Variants in ZNF541 observed in about 807,000 individuals in gnomAD.
ZNF541 encodes zinc finger protein 541.
A neutral mutation model predicts 123.5 loss-of-function variants in ZNF541; 23 were observed. That is an observed-to-expected ratio of 0.19 (90% CI 0.13 to 0.26). The LOEUF (loss-of-function observed/expected upper bound fraction) is 0.26. ZNF541 is among the 10% of genes least tolerant of loss of function. The pLI, the probability that ZNF541 is intolerant of heterozygous loss-of-function variation, is 1.00. For missense variants in ZNF541, 1,612 were observed against 1,789.9 expected, an observed-to-expected ratio of 0.90 and a Z score of 1.79; for synonymous variants, 751 against 754.5, an observed-to-expected ratio of 1.00 and a Z score of 0.08.
chr19:47,570,222 C>T (rs373004392), intron 2 of ZNF541, among the ~76,000 whole-genome samples: 11 of 150,818 alleles, frequency 7.3e-5, no homozygotes, highest in African/African-American at 2.2e-4. Flanking sequence ...TGCAGCAAGC[C>T]GAGATCACTC....
At chr19:47,537,656 T>A in intron 9 of ZNF541, among the ~76,000 whole-genome samples, 1 of 129,736 alleles carries the variant, frequency 7.7e-6, no homozygotes, top group East Asian at 2.4e-4. Flanking sequence ...GGCAGCAAAA[T>A]CACAAGTCCA....
At chr19:47,563,747 A>T (rs547015381) in intron 2 of ZNF541, among the ~76,000 whole-genome samples, 19 of 152,086 alleles carry the variant, frequency 1.2e-4, no homozygotes, top group Non-Finnish European at 2.6e-4. Context: ...CTGGGATTAC[A>T]GGCACTCACC....
intron 2 of ZNF541, among the ~76,000 whole-genome samples, chr19:47,564,464 A>C (rs1971186451): frequency 6.6e-6 from 1 of 152,190 alleles, no homozygotes; most frequent in Admixed American, 6.6e-5. Flanking sequence ...AGCCCTTACG[A>C]GGCAGAGTTT....
chr19:47,565,613 A>G (rs908439981), intron 2 of ZNF541, among the ~76,000 whole-genome samples: 1 of 152,160 alleles, frequency 6.6e-6, no homozygotes, highest in Non-Finnish European at 1.5e-5. Flanking sequence ...GGCCTGCTAA[A>G]CCCAAAAGGG....
At chr19:47,543,643 CTT>C (rs769335868) in intron 5 of ZNF541, among the ~76,000 whole-genome samples, 39 of 140,660 alleles carry the variant, frequency 2.8e-4, no homozygotes, top group Admixed American at 5.0e-4. Flanking sequence ...TCATGTTGAT[CTT>C]TTTTTTTTTT....
At position 47,545,321 on chromosome 19, in the gene ZNF541, G is replaced by A; in HGVS notation, c.1208C>T (p.Pro403Leu). 1 of 1,548,806 alleles carries A rather than the reference G, an allele frequency of 6.5e-7. No homozygotes were observed. Among genetic ancestry groups the A allele is most frequent in the Non-Finnish European group, 8.7e-7 (1 of 1,146,436 alleles). ...GTGGCTCGATGGCTGGGAACTGGCA[G>A]GGACCGTCTGGCCTCGGAAGAGAGG... Reference protein sequence around the residue: ...CLPLFRGQTVPASSQPSSHSF... With the variant: ...CLPLFRGQTVLASSQPSSHSF... The change falls in exon 5 of 17, where the codon CCT becomes CTT. Residue 403 changes from proline to leucine, a missense_variant. Physicochemically the swap from Pro to Leu is moderately conservative, Grantham distance 98 (BLOSUM62 -3). Transcript: ENST00000391901. This position sits in a 1 kb window ranked among gnomAD's most constrained non-coding sequence, Gnocchi z 7.5.
At chr19:47,561,860 T>G (rs1179153632) in intron 2 of ZNF541, among the ~76,000 whole-genome samples, 2 of 151,902 alleles carry the variant, frequency 1.3e-5, no homozygotes, top group Admixed American at 6.6e-5. Flanking sequence ...AAACAAACAG[T>G]TACAACCCAC....
intron 2 of ZNF541, among the ~76,000 whole-genome samples, chr19:47,566,134 G>A (rs907256457): frequency 6.6e-6 from 1 of 151,894 alleles, no homozygotes; most frequent in East Asian, 1.9e-4. Flanking sequence ...CCAAGATTGT[G>A]CCACTGCACT....
chr19:47,528,043 C>T (rs1209967444), intron 14 of ZNF541, among the ~76,000 whole-genome samples: 6 of 137,752 alleles, frequency 4.4e-5, no homozygotes, highest in East Asian at 4.7e-4. Flanking sequence ...GGCCGGGCGC[C>T]GTGGCTCACG....
chr19:47,564,396 A>C (rs1971183461), intron 2 of ZNF541, among the ~76,000 whole-genome samples: 1 of 152,232 alleles, frequency 6.6e-6, no homozygotes. Context: ...TATTCTGTCA[A>C]CAAATACATT....
chr19:47,555,230 C>A (rs1160925134), intron 3 of ZNF541, among the ~76,000 whole-genome samples: 1 of 151,582 alleles, frequency 6.6e-6, no homozygotes, highest in African/African-American at 2.4e-5. Context: ...ATTAGCCGGG[C>A]GTGGTGGCGG....
intron 14 of ZNF541, among the ~76,000 whole-genome samples, chr19:47,522,379 T>C (rs1969077935): frequency 6.6e-6 from 1 of 152,158 alleles, no homozygotes; most frequent in African/African-American, 2.4e-5. Flanking sequence ...GCCTCTAAAG[T>C]CTTGGCAGGA....
At chr19:47,556,677 T>C (rs1175322303) in intron 2 of ZNF541, among the ~76,000 whole-genome samples, 1 of 152,118 alleles carries the variant, frequency 6.6e-6, no homozygotes, top group Non-Finnish European at 1.5e-5. Context: ...ACAACCTGGA[T>C]TTGGAAAACT....
chr19:47,539,769 G>T lies in ZNF541; in HGVS notation c.2732C>A (p.Pro911His). 1 of 1,472,232 alleles carries T rather than the reference G, an allele frequency of 6.8e-7. No homozygotes were observed. Among genetic ancestry groups the T allele is most frequent in the Non-Finnish European group, 8.9e-7 (1 of 1,118,860 alleles). 91.2% of individuals were successfully genotyped at this position (1,472,232 alleles called of 1,614,324 possible). A position where few individuals can be genotyped will look rare whatever the true frequency, so the allele number is the denominator to read the frequency against. Residue 911 changes from proline (P) to histidine (H), a missense_variant, in exon 8 of 17, where the codon CCT becomes CAT. Pro to His is a moderately conservative substitution (Grantham distance 77). Around this residue, in one of 5 missense-constraint regions of ZNF541, gnomAD observed 1,080 missense variants for 1,013.8 expected, o/e 1.07. Transcript: ENST00000391901. Reference sequence around the variant, plus strand: ...GGGGATCGATTGGGGGACCACCAAAGGGGCTGCAGCTGTGGGGTCCAAGGG... The same window carrying T: ...GGGGATCGATTGGGGGACCACCAAATGGGCTGCAGCTGTGGGGTCCAAGGG... ...KKPLDPTAAA[P>H]LVVPQSIPVV...
At chr19:47,549,096 G>C (rs1970489524) in intron 4 of ZNF541, 149 bp downstream of exon 4, 2 of 1,111,252 alleles carry the variant, frequency 1.8e-6, no homozygotes, top group Non-Finnish European at 2.5e-6. Context: ...AGTGGCTGTG[G>C]CTGCGGCTGA....
At chr19:47,526,840 G>C (rs922560653) in intron 14 of ZNF541, among the ~76,000 whole-genome samples, 1 of 152,136 alleles carries the variant, frequency 6.6e-6, no homozygotes, top group African/African-American at 2.4e-5. Flanking sequence ...TACTCCTCTA[G>C]AAAACAAAGT....
intron 2 of ZNF541, among the ~76,000 whole-genome samples, chr19:47,559,671 A>G (rs149874872): frequency 6.6e-5 from 10 of 151,832 alleles, no homozygotes; most frequent in African/African-American, 2.2e-4. Context: ...CCAGCATAGT[A>G]AAACCCCATC....
At position 47,521,162 on chromosome 19, in the gene ZNF541, G is replaced by T; in HGVS notation, c.*62C>A. On this transcript the variant is annotated 3_prime_UTR_variant, in exon 17 of 17. Coordinates refer to ENST00000391901, the MANE Select transcript of ZNF541 (RefSeq NM_001277075.3). The surrounding 1 kb of genome is among the most constrained non-coding windows in gnomAD (Gnocchi z 4.2). ...GGCAGAGGGGTGCCCCAAACGCCCT[G>T]GAGAGGCCGAAGGGAGGAGGGGCAG... is the stretch of plus-strand genomic sequence containing the variant. 6.6e-7 allele frequency: 1 copy of T among 1,520,836 alleles called. No homozygotes were observed. The highest frequency in any genetic ancestry group is 8.9e-7 in the Non-Finnish European group (1 of 1,128,448). The allele number at this position is 1,520,836 out of a possible 1,614,324, so 94.2% of individuals were successfully genotyped here. A position where few individuals can be genotyped will look rare whatever the true frequency, so the allele number is the denominator to read the frequency against.
At chr19:47,530,374 G>A (rs2122948914) in intron 12 of ZNF541, among the ~76,000 whole-genome samples, 1 of 148,190 alleles carries the variant, frequency 6.7e-6, no homozygotes, top group South Asian at 2.1e-4. Flanking sequence ...AGTAGAGACG[G>A]GATTTTACCA....
Sources: gnomAD v4.1 joint callset for allele counts (sites outside exome capture counted in the v4.1 genomes callset) on GRCh38, gnomAD v4.1.1 for gene constraint, gnomAD v4.1.1 regional missense constraint, Gnocchi (gnomAD v3.1) non-coding constraint, MANE v1.5 for transcripts, NCBI Gene and HGNC (gene_info 2026-07-23, HGNC 2026-07-21) for gene names.